Variants in TNR observed in about 807,000 individuals in gnomAD.
TNR encodes the protein tenascin R.
In TNR, 45 loss-of-function variants were observed where a neutral mutation model predicts 150.4. The observed-to-expected ratio is 0.30, with a 90% CI of 0.24 to 0.38. The LOEUF is 0.38. Among genes scored for constraint, TNR ranks in the 10% least tolerant of loss-of-function variants. The pLI is 1.00. For synonymous variants in TNR, 687 were observed against 678.4 expected (o/e 1.01, Z -0.20); for missense variants, 1,544 against 1,759.1 (o/e 0.88, Z 2.19).
intron 1 of TNR, among the ~76,000 whole-genome samples, chr1:175,568,219 C>G (rs1054847794): frequency 6.6e-6 from 1 of 152,162 alleles, no homozygotes; most frequent in Admixed American, 6.5e-5. Flanking sequence ...ATACTATCAC[C>G]CTCATATAGT....
chr1:175,664,227 C>G (rs1471301329), intron 1 of TNR, among the ~76,000 whole-genome samples: 1 of 152,240 alleles, frequency 6.6e-6, no homozygotes, highest in Non-Finnish European at 1.5e-5. Flanking sequence ...TAGGCTTCCT[C>G]CCTGTGGGGT....
At chr1:175,530,560 A>G (rs1660022112) in intron 1 of TNR, among the ~76,000 whole-genome samples, 1 of 152,206 alleles carries the variant, frequency 6.6e-6, no homozygotes, top group Admixed American at 6.5e-5. Context: ...CATATATAAC[A>G]GATATATGGG....
At chr1:175,662,181 T>A (rs1364899672) in intron 1 of TNR, among the ~76,000 whole-genome samples, 1 of 152,204 alleles carries the variant, frequency 6.6e-6, no homozygotes, top group African/African-American at 2.4e-5. Flanking sequence ...TGGGCAAGAA[T>A]AACCATGATG....
rs781256233 is a variant in TNR at position 175,403,207 on chromosome 1, C to T, written c.909G>A (p.Gly303=). Residue 303 remains glycine (G), a synonymous_variant, in exon 4 of 23, where the codon GGG becomes GGA. Transcript: ENST00000367674. ...AGAGCCCCTCCTCACATTGTCCTCGCCCACTGCAGGCATTCAGACACTGCC... is the reference window on the plus strand; with the variant it reads ...AGAGCCCCTCCTCACATTGTCCTCGTCCACTGCAGGCATTCAGACACTGCC... ...GQRQCLNACS[G]RGQCEEGLCV... 5.6e-6 allele frequency: 9 copies of T among 1,614,018 alleles called. No individual in the cohort carries two copies. The Admixed American group carries it at 1.3e-4, about 24-fold the overall frequency.
intron 20 of TNR, among the ~76,000 whole-genome samples, chr1:175,330,922 T>C (rs1251184471): frequency 1.3e-5 from 2 of 152,226 alleles, no homozygotes; most frequent in East Asian, 3.8e-4. Flanking sequence ...TTCCCAGGCC[T>C]TGGTCTAATA....
chr1:175,468,714 G>A (rs1244877467), intron 2 of TNR, among the ~76,000 whole-genome samples: 1 of 152,188 alleles, frequency 6.6e-6, no homozygotes, highest in Non-Finnish European at 1.5e-5. Context: ...AGACGTGATG[G>A]TGAGCATCAG....
intron 1 of TNR, 83 bp from the exon 2 acceptor site, chr1:175,528,452 C>G (rs1176426716): frequency 1.3e-5 from 2 of 152,056 alleles, no homozygotes; most frequent in Non-Finnish European, 2.9e-5. Context: ...TTCTAAGTAC[C>G]ACATCGCCTT....
intron 1 of TNR, among the ~76,000 whole-genome samples, chr1:175,648,874 C>A (rs886487261): frequency 1.3e-5 from 2 of 152,198 alleles, no homozygotes; most frequent in Non-Finnish European, 2.9e-5. Context: ...ATCTCCCGGA[C>A]GTCCACCACC....
chr1:175,359,077 T>C, intron 15 of TNR, among the ~76,000 whole-genome samples: 1 of 148,656 alleles, frequency 6.7e-6, no homozygotes, highest in African/African-American at 2.6e-5. Flanking sequence ...TTCTTGTACC[T>C]TTCAGATTCA....
At chr1:175,478,050 T>A (rs953420407) in intron 2 of TNR, among the ~76,000 whole-genome samples, 2 of 152,208 alleles carry the variant, frequency 1.3e-5, no homozygotes, top group Non-Finnish European at 2.9e-5. Flanking sequence ...GGGCAAAGCA[T>A]AATAGAGAAA....
chr1:175,354,684 C>A (rs982152974), intron 17 of TNR, among the ~76,000 whole-genome samples, 161 bp from the exon 18 acceptor site: 6 of 152,198 alleles, frequency 3.9e-5, no homozygotes, highest in Non-Finnish European at 7.3e-5. Flanking sequence ...CACCAATAAG[C>A]AGAGAGGAGA....
At chr1:175,584,684 T>C (rs1313675368) in intron 1 of TNR, among the ~76,000 whole-genome samples, 8 of 152,174 alleles carry the variant, frequency 5.3e-5, no homozygotes, top group Admixed American at 5.2e-4. Flanking sequence ...GGGCCTAGGA[T>C]CTTCTGGTTC....
intron 17 of TNR, 113 bp from the exon 18 acceptor site, chr1:175,354,636 C>A: frequency 1.5e-6 from 2 of 1,313,260 alleles, no homozygotes; most frequent in Admixed American, 1.8e-5. Flanking sequence ...ATTGCAATGG[C>A]CATTGTCATC....
intron 8 of TNR, among the ~76,000 whole-genome samples, chr1:175,380,955 C>T (rs1430228159): frequency 1.3e-5 from 2 of 152,086 alleles, no homozygotes; most frequent in African/African-American, 4.8e-5. Context: ...ACTGAAATGC[C>T]GTGAATCAAT....
intron 2 of TNR, among the ~76,000 whole-genome samples, chr1:175,504,894 A>G (rs553685718): frequency 6.6e-6 from 1 of 152,280 alleles, no homozygotes; most frequent in East Asian, 1.9e-4. Flanking sequence ...AGAAGAAGAA[A>G]TTTGGACACA....
At chr1:175,330,392 A>T in intron 20 of TNR, 157 bp from the exon 21 acceptor site, 1 of 698,194 alleles carries the variant, frequency 1.4e-6, no homozygotes, top group South Asian at 3.4e-5. Flanking sequence ...TATCAAATGG[A>T]CCCTGCCAGA....
At chr1:175,463,224 A>C (rs964993280) in intron 2 of TNR, among the ~76,000 whole-genome samples, 6 of 151,992 alleles carry the variant, frequency 3.9e-5, no homozygotes, top group Non-Finnish European at 8.8e-5. Flanking sequence ...TCCTTATACC[A>C]CTGACTTGAA....
At chr1:175,623,328 C>A (rs1050971656) in intron 1 of TNR, among the ~76,000 whole-genome samples, 1 of 152,118 alleles carries the variant, frequency 6.6e-6, no homozygotes, top group East Asian at 1.9e-4. Context: ...ATATCTAGTA[C>A]CTGATACAGT....
At position 175,490,422 on chromosome 1, in the gene TNR, C is replaced by T. The variant is rs113164490; in HGVS notation, c.-64+37847G>A. ...TCTGCACAACAAAAGAAACTATCAA[C>T]GGAGTGAACAGACAACCTACTGAAT... On this transcript the variant is annotated intron_variant, in intron 2 of 22. Transcript: ENST00000367674. Among the ~76,000 whole-genome samples, 229 of 152,298 alleles carry T rather than the reference C, an allele frequency of 1.5e-3. 2 individuals carry two copies. Among genetic ancestry groups the T allele is most frequent in the African/African-American group, 5.2e-3 (218 of 41,570 alleles).
Sources: allele counts gnomAD v4.1 joint callset (sites outside exome capture counted in the v4.1 genomes callset), GRCh38; gene constraint gnomAD v4.1.1; transcripts MANE v1.5; gene names NCBI Gene and HGNC (gene_info 2026-07-23, HGNC 2026-07-21).